Variants in SRP54 observed in about 807,000 individuals in gnomAD.
SRP54 encodes the protein signal recognition particle 54, also known as signal recognition particle subunit SRP54.
A neutral mutation model predicts 64.8 loss-of-function variants in SRP54; 10 were observed. That is an observed-to-expected ratio of 0.15 (90% confidence interval 0.10 to 0.26). SRP54 has a LOEUF of 0.26. Ranked by LOEUF, SRP54 falls within the 10% of genes least tolerant of loss-of-function variation. SRP54 has a pLI of 1.00. For synonymous variants in SRP54, 193 were observed against 185.6 expected, an observed-to-expected ratio of 1.04 and a Z score of -0.32; for missense variants, 325 against 613.7, an observed-to-expected ratio of 0.53 and a Z score of 4.97.
intron 7 of SRP54, among the ~76,000 whole-genome samples, chr14:35,010,080 G>A (rs534286147): frequency 2.6e-5 from 4 of 151,402 alleles, no homozygotes; most frequent in African/African-American, 2.4e-5. Flanking sequence ...TCTGGGAGGC[G>A]AAGGTTGCAT....
chr14:34,999,008 TGTGTG>T (rs1265806412), intron 2 of SRP54, among the ~76,000 whole-genome samples: 2 of 73,760 alleles, frequency 2.7e-5, no homozygotes, highest in African/African-American at 9.5e-5. Flanking sequence ...TGTGTGTGTG[TGTGTG>T]GTTTTTTTTT....
intron 4 of SRP54, among the ~76,000 whole-genome samples, chr14:35,003,724 A>G (rs573593461): frequency 8.5e-4 from 129 of 151,716 alleles, no homozygotes; most frequent in Non-Finnish European, 1.6e-3. Context: ...CTTTGAGCCC[A>G]GGAGTTTGAG....
chr14:34,988,008 A>C (rs2043924565), intron 1 of SRP54, among the ~76,000 whole-genome samples: 1 of 152,190 alleles, frequency 6.6e-6, no homozygotes, highest in Non-Finnish European at 1.5e-5. Flanking sequence ...AAATTAATAT[A>C]CCTAGAAAAT....
chr14:34,994,892 A>G lies in SRP54; in HGVS notation c.-33-1785A>G, dbSNP rs1372986100. On this transcript the variant is annotated intron_variant, in intron 1 of 15. Coordinates refer to ENST00000216774, the MANE Select transcript of SRP54 (RefSeq NM_003136.4). ...AAGCAATCCTCCCCTCACCCTCCCG[A>G]GTAGCTGGGACTACAGGCACATGCC... 2.7e-5 allele frequency among the ~76,000 whole-genome samples: 4 copies of G among 145,670 alleles called. No homozygotes were observed. The Admixed American group carries it at 2.8e-4, about 10-fold the overall frequency.
At chr14:34,995,170 TGTGTGTGTGTGTGTGTGTAGAG>T (rs1200840779) in intron 1 of SRP54, among the ~76,000 whole-genome samples, 9 of 121,358 alleles carry the variant, frequency 7.4e-5, no homozygotes, top group Non-Finnish European at 1.6e-4. Context: ...TGTGTGTGTG[TGTGTGTGTGTGTGTGTGTAGAG>T]AGAGAGAGGG....
intron 1 of SRP54, among the ~76,000 whole-genome samples, chr14:34,994,048 C>T (rs1843848286): frequency 6.6e-6 from 1 of 151,850 alleles, no homozygotes; most frequent in South Asian, 2.1e-4. Flanking sequence ...AGGCTGAGTG[C>T]AGTGGCGCGA....
chr14:35,022,510 C>G (rs1198210104), intron 13 of SRP54, among the ~76,000 whole-genome samples: 2 of 152,030 alleles, frequency 1.3e-5, no homozygotes, highest in East Asian at 3.9e-4. Flanking sequence ...GCACATGCCA[C>G]CATGCCCAGC....
At chr14:34,987,657 A>G (rs933416105) in intron 1 of SRP54, among the ~76,000 whole-genome samples, 3 of 152,018 alleles carry the variant, frequency 2.0e-5, no homozygotes, top group Admixed American at 2.0e-4. Context: ...ATTTTATTCT[A>G]CATTTTACTT....
chr14:34,999,806 G>A (rs140374638), intron 3 of SRP54, 157 bp downstream of exon 3: 29 of 509,452 alleles, frequency 5.7e-5, no homozygotes, highest in African/African-American at 5.1e-4. Context: ...GAGAGCATGT[G>A]TAGTACGTTT....
intron 13 of SRP54, among the ~76,000 whole-genome samples, chr14:35,020,046 G>A (rs111363796): frequency 1.3e-5 from 2 of 152,028 alleles, no homozygotes; most frequent in East Asian, 1.9e-4. Context: ...TTAGCCGGGC[G>A]TGGTGGCACA....
intron 13 of SRP54, among the ~76,000 whole-genome samples, chr14:35,021,455 C>A (rs1218218839): frequency 6.6e-6 from 1 of 152,042 alleles, no homozygotes; most frequent in Non-Finnish European, 1.5e-5. Context: ...CATGGTGAAA[C>A]CCTGTCTTTA....
At chr14:34,995,134 G>GGGGTGT (rs772142089) in intron 1 of SRP54, among the ~76,000 whole-genome samples, 2 of 70,324 alleles carry the variant, frequency 2.8e-5, no homozygotes, top group Admixed American at 1.6e-4. Context: ...ATCAATAAAG[G>GGGGTGT]GTGTGTGTGT....
intron 14 of SRP54, 101 bp from the exon 15 acceptor site, chr14:35,027,985 TTC>T (rs2044661225): frequency 1.8e-6 from 1 of 566,000 alleles, no homozygotes; most frequent in African/African-American, 1.9e-5. Flanking sequence ...ATGTAATTTT[TTC>T]TTAGTATTTT....
At chr14:34,998,624 C>T (rs564288712) in intron 2 of SRP54, among the ~76,000 whole-genome samples, 2 of 152,020 alleles carry the variant, frequency 1.3e-5, no homozygotes, top group African/African-American at 4.8e-5. Flanking sequence ...CCAGCCTGGC[C>T]AACATAGTGA....
chr14:35,006,142 A>G (rs756277334), intron 4 of SRP54, among the ~76,000 whole-genome samples: 1 of 152,068 alleles, frequency 6.6e-6, no homozygotes, highest in Non-Finnish European at 1.5e-5. Context: ...CCCGGCCCTA[A>G]ATGTCCCATG....
chr14:35,020,126 A>C (rs111595476), intron 13 of SRP54, among the ~76,000 whole-genome samples: 11,731 of 152,306 alleles, frequency 0.077, 598 homozygotes, highest in Non-Finnish European at 0.12. Flanking sequence ...CGGAGGTTGC[A>C]GTGAGCCGAG....
At chr14:35,016,964 C>T (rs375186300) in intron 11 of SRP54, among the ~76,000 whole-genome samples, 3 of 151,518 alleles carry the variant, frequency 2.0e-5, no homozygotes, top group South Asian at 4.2e-4. Context: ...AAGCAGTTCT[C>T]CTGCCTCAGC....
At chr14:34,988,220 G>T (rs8003950) in intron 1 of SRP54, among the ~76,000 whole-genome samples, 2 of 152,096 alleles carry the variant, frequency 1.3e-5, no homozygotes, top group Non-Finnish European at 2.9e-5. Context: ...ATGAAAAACA[G>T]TTCCTAAATT....
intron 14 of SRP54, among the ~76,000 whole-genome samples, chr14:35,024,276 G>T (rs1049538306): frequency 1.3e-5 from 2 of 152,096 alleles, no homozygotes; most frequent in Admixed American, 6.6e-5. Context: ...TGATGTGCCC[G>T]CCTCGGACTC....
Sources: allele counts gnomAD v4.1 joint callset (sites outside exome capture counted in the v4.1 genomes callset), GRCh38; gene constraint gnomAD v4.1.1; transcripts MANE v1.5; gene names NCBI Gene and HGNC (gene_info 2026-07-23, HGNC 2026-07-21).